PTPRN2: variants seen among roughly 807,000 people sequenced by gnomAD.
PTPRN2 encodes the protein receptor-type tyrosine-protein phosphatase N2.
A neutral mutation model predicts 118.8 loss-of-function variants in PTPRN2; 74 were observed. That is an observed-to-expected ratio of 0.62 (90% CI 0.52 to 0.76). PTPRN2 has a LOEUF of 0.76. Ranked by LOEUF, PTPRN2 falls within the 30% of genes least tolerant of loss-of-function variation. The pLI, the probability that PTPRN2 is intolerant of heterozygous loss-of-function variation, is 0.00. For missense variants in PTPRN2, 1,481 were observed against 1,394.4 expected (o/e 1.06, Z -0.99); for synonymous variants, 641 against 608.0 (o/e 1.05, Z -0.80).
intron 3 of PTPRN2, among the ~76,000 whole-genome samples, chr7:158,302,340 C>G (rs1800953468): frequency 6.6e-6 from 1 of 152,226 alleles, no homozygotes; most frequent in South Asian, 2.1e-4. Context: ...CATCAGTGAT[C>G]CCTCATGTGG....
chr7:158,394,390 G>A (rs917295847), intron 2 of PTPRN2, among the ~76,000 whole-genome samples: 9 of 152,266 alleles, frequency 5.9e-5, no homozygotes, highest in African/African-American at 2.2e-4. Context: ...GGAAGTGTGA[G>A]AGGCACAGGT....
chr7:158,410,690 C>G (rs982061201), intron 2 of PTPRN2, among the ~76,000 whole-genome samples: 2 of 152,230 alleles, frequency 1.3e-5, no homozygotes, highest in African/African-American at 4.8e-5. Flanking sequence ...TACGTGGAAA[C>G]AGGGTCCTCG....
chr7:158,450,138 C>T (rs1234523739), intron 2 of PTPRN2, among the ~76,000 whole-genome samples: 3 of 152,220 alleles, frequency 2.0e-5, no homozygotes, highest in East Asian at 1.9e-4. Flanking sequence ...GGTCCCTTCA[C>T]GGAAGCCCTG....
intron 11 of PTPRN2, among the ~76,000 whole-genome samples, chr7:157,920,416 C>T (rs951632006): frequency 1.3e-5 from 2 of 152,160 alleles, no homozygotes; most frequent in East Asian, 1.9e-4. Context: ...TACAAGGACA[C>T]GCTTGGCAAT....
chr7:158,014,511 G>A (rs777193724), intron 11 of PTPRN2, among the ~76,000 whole-genome samples: 72 of 149,514 alleles, frequency 4.8e-4, no homozygotes, highest in African/African-American at 1.6e-3. Flanking sequence ...CTCCATCCAC[G>A]CATCTTTCCA....
chr7:158,055,038 C>T (rs757912124), intron 11 of PTPRN2, among the ~76,000 whole-genome samples: 2 of 152,220 alleles, frequency 1.3e-5, no homozygotes, highest in Non-Finnish European at 2.9e-5. Flanking sequence ...AGGGCACGAA[C>T]TGTTCCAGTG....
At chr7:158,331,540 A>C (rs1263770596) in intron 2 of PTPRN2, among the ~76,000 whole-genome samples, 51 of 138,224 alleles carry the variant, frequency 3.7e-4, no homozygotes, top group East Asian at 6.7e-4. Flanking sequence ...CACTGTCACC[A>C]TAAGAGCTGA....
At chr7:158,541,357 A>T in intron 1 of PTPRN2, 1 of 1,180,432 alleles carries the variant, frequency 8.5e-7, no homozygotes, top group South Asian at 1.3e-5. Flanking sequence ...AGCCCTACAA[A>T]CCTAACTTGT....
At chr7:158,127,718 C>A (rs916856198) in intron 9 of PTPRN2, among the ~76,000 whole-genome samples, 1 of 152,154 alleles carries the variant, frequency 6.6e-6, no homozygotes, top group African/African-American at 2.4e-5. Flanking sequence ...TGTGTGTGAG[C>A]CGTGGTCTCT....
intron 6 of PTPRN2, among the ~76,000 whole-genome samples, chr7:158,142,018 G>A (rs550193861): frequency 5.9e-5 from 9 of 152,254 alleles, no homozygotes; most frequent in Admixed American, 2.0e-4. Context: ...TGAATTGTTC[G>A]GCAGACAGTG....
intron 11 of PTPRN2, among the ~76,000 whole-genome samples, chr7:158,064,679 C>G (rs565133268): frequency 1.3e-5 from 2 of 152,302 alleles, no homozygotes; most frequent in South Asian, 2.1e-4. Context: ...CACCAAAGCC[C>G]CCCCTGTGCC....
chr7:157,950,653 T>A (rs1176229614), intron 11 of PTPRN2, among the ~76,000 whole-genome samples: 1 of 152,244 alleles, frequency 6.6e-6, no homozygotes, highest in African/African-American at 2.4e-5. Flanking sequence ...GACAACAAAA[T>A]CTGCCATTGC....
intron 3 of PTPRN2, among the ~76,000 whole-genome samples, chr7:158,285,819 G>A (rs986893632): frequency 1.3e-5 from 2 of 152,128 alleles, no homozygotes; most frequent in East Asian, 1.9e-4. Context: ...AACCCCATTC[G>A]CCTCTGAGCT....
intron 11 of PTPRN2, among the ~76,000 whole-genome samples, chr7:158,032,806 C>T (rs6953551): frequency 0.69 from 105,574 of 151,988 alleles, 37,213 homozygotes; most frequent in East Asian, 0.76. Flanking sequence ...AACGGCCCCA[C>T]GTCCAGCACC....
chr7:158,365,797 A>G lies in PTPRN2; in HGVS notation c.164-48865T>C, dbSNP rs559644331. ...TACACACACACACACCCACACACACACAGCATCCCTGGGAGAAGCCGCAGA... is the reference window on the plus strand; with the variant it reads ...TACACACACACACACCCACACACACGCAGCATCCCTGGGAGAAGCCGCAGA... On this transcript the variant is annotated intron_variant, in intron 2 of 22. Coordinates refer to ENST00000389418, the MANE Select transcript of PTPRN2 (RefSeq NM_002847.5). Among the ~76,000 whole-genome samples the G allele has an allele frequency of 3.2e-4, 44 of 136,558 alleles. 1 individual carries two copies. The highest frequency in any genetic ancestry group is 1.1e-3 in the African/African-American group (41 of 36,168). 89.6% of individuals were successfully genotyped at this position (136,558 alleles called of 152,430 possible). A position where few individuals can be genotyped will look rare whatever the true frequency, so the allele number is the denominator to read the frequency against.
Position 158,316,951 on chromosome 7 carries a change from A to G in PTPRN2, c.164-19T>C, listed in dbSNP as rs202012467. 9 of 1,569,246 alleles carry G rather than the reference A, an allele frequency of 5.7e-6. No homozygotes were observed. Among genetic ancestry groups the G allele is most frequent in the African/African-American group, 1.4e-5 (1 of 73,768 alleles). On this transcript the variant is annotated intron_variant, in intron 2 of 22. Coordinates refer to ENST00000389418, the MANE Select transcript of PTPRN2 (RefSeq NM_002847.5). ...ACTCCATCTGTGAGAAGGGAAGGAG[A>G]TAAGACAGAACGAGACGTTTCATTT...
intron 12 of PTPRN2, among the ~76,000 whole-genome samples, chr7:157,866,372 A>G (rs1444642169): frequency 6.6e-6 from 1 of 152,112 alleles, no homozygotes; most frequent in Non-Finnish European, 1.5e-5. Flanking sequence ...ACACACATAC[A>G]CATGAGCACA....
chr7:157,837,793 G>T (rs183625366), intron 12 of PTPRN2, among the ~76,000 whole-genome samples: 1 of 152,332 alleles, frequency 6.6e-6, no homozygotes. Context: ...CACGTCTGTT[G>T]CACCTGTTAG....
chr7:158,396,086 C>T (rs1246882253), intron 2 of PTPRN2, among the ~76,000 whole-genome samples: 1 of 152,186 alleles, frequency 6.6e-6, no homozygotes, highest in Non-Finnish European at 1.5e-5. Flanking sequence ...CAACCAGAGA[C>T]CAAGCTCCCA....
Sources: gnomAD v4.1 joint callset for allele counts (sites outside exome capture counted in the v4.1 genomes callset) on GRCh38, gnomAD v4.1.1 for gene constraint, MANE v1.5 for transcripts, NCBI Gene and HGNC (gene_info 2026-07-23, HGNC 2026-07-21) for gene names.